Variants in TECTA observed in about 807,000 individuals in gnomAD.
TECTA encodes the protein tectorin alpha, also known as alpha-tectorin.
Under a neutral mutation model 216.8 loss-of-function variants are expected in TECTA, and 128 were observed. The ratio of observed to expected loss-of-function variants is 0.59; its 90% CI spans 0.51 to 0.68. The LOEUF is 0.68. Ranked by LOEUF, TECTA falls within the 30% of genes least tolerant of loss-of-function variation. TECTA has a pLI of 0.00. For missense variants in TECTA, 2,551 were observed against 2,786.2 expected (o/e 0.92, Z 1.90); for synonymous variants, 1,089 against 1,117.1 (o/e 0.97, Z 0.50).
chr11:121,111,509 C>T (rs1946441546), intron 4 of TECTA, among the ~76,000 whole-genome samples: 4 of 152,124 alleles, frequency 2.6e-5, no homozygotes, highest in Admixed American at 2.0e-4. Context: ...AGCTGAGGTG[C>T]GTGCGGGTGG....
At chr11:121,151,042 A>G (rs893251163) in intron 12 of TECTA, among the ~76,000 whole-genome samples, 1 of 152,274 alleles carries the variant, frequency 6.6e-6, no homozygotes, top group African/African-American at 2.4e-5. Flanking sequence ...TAACAAAAAA[A>G]GACATATAAA....
intron 11 of TECTA, among the ~76,000 whole-genome samples, chr11:121,141,605 C>G (rs1487819734): frequency 2.6e-5 from 4 of 152,240 alleles, no homozygotes; most frequent in African/African-American, 9.6e-5. Context: ...CTCTCTCCTG[C>G]CCCCACCCTC....
intron 23 of TECTA, among the ~76,000 whole-genome samples, chr11:121,190,430 A>G (rs1947330161): frequency 6.6e-6 from 1 of 152,062 alleles, no homozygotes; most frequent in South Asian, 2.1e-4. Context: ...ACGCCCAGCT[A>G]ATTTTTGTAT....
At chr11:121,141,536 C>T (rs1467180540) in intron 11 of TECTA, among the ~76,000 whole-genome samples, 2 of 152,192 alleles carry the variant, frequency 1.3e-5, no homozygotes, top group East Asian at 1.9e-4. Flanking sequence ...TGAGCCACTC[C>T]TGGGGGCACC....
intron 7 of TECTA, among the ~76,000 whole-genome samples, chr11:121,119,611 G>T (rs952689154): frequency 3.9e-5 from 6 of 152,362 alleles, no homozygotes; most frequent in African/African-American, 1.4e-4. Context: ...GGGGCTGATT[G>T]CTGCAACCCA....
At chr11:121,154,550 G>A (rs561200002) in intron 13 of TECTA, among the ~76,000 whole-genome samples, 7 of 152,274 alleles carry the variant, frequency 4.6e-5, no homozygotes, top group South Asian at 2.1e-4. Context: ...TCCCCAGCCC[G>A]GAGACTTACC....
chr11:121,116,159 G>A lies in TECTA; in HGVS notation c.791-2147G>A, dbSNP rs75231918. On this transcript the variant is annotated intron_variant, in intron 6 of 23. Transcript: ENST00000392793. ...AAATAAATGTTTTGCAGCTAAGCTG[G>A]TATTAACTGGATAGGAAATAATCTA... Among the ~76,000 whole-genome samples the A allele has an allele frequency of 9.7e-4, 148 of 152,310 alleles. 1 individual carries two copies. Among genetic ancestry groups the A allele is most frequent in the African/African-American group, 3.2e-3 (133 of 41,556 alleles).
At chr11:121,190,673 C>A (rs749714438) in intron 23 of TECTA, 33 bp from the exon 24 acceptor site, 1 of 1,525,526 alleles carries the variant, frequency 6.6e-7, no homozygotes, top group South Asian at 1.1e-5. Flanking sequence ...TTTTTCCCCC[C>A]ATAGGGCTTA....
In TECTA at chr11:121,166,680, G is replaced by GCGTGAGGATCAATGACAGACAGGT; in HGVS notation, c.5508_5509insGTCGTGAGGATCAATGACAGACAG (p.Gln1836_Cys1837insValValArgIleAsnAspArgGln). 1 of 1,614,190 alleles carries GCGTGAGGATCAATGACAGACAGGT rather than the reference G, an allele frequency of 6.2e-7. No homozygotes were observed. The highest frequency in any genetic ancestry group is 8.5e-7 in the Non-Finnish European group (1 of 1,180,050). ...TTCCAGCTCGGTTTTGAGAGGGAGG[G>GCGTGAGGATCAATGACAGACAGGT]CGTGAGGATCAATGACAGACAGTGC... is the stretch of plus-strand genomic sequence containing the variant. On this transcript the variant is annotated inframe_insertion, in exon 18 of 24. Transcript: ENST00000392793.
intron 21 of TECTA, 73 bp downstream of exon 21, chr11:121,188,067 G>A: frequency 6.5e-7 from 1 of 1,543,538 alleles, no homozygotes; most frequent in Non-Finnish European, 8.9e-7. Flanking sequence ...TGAGGATCGT[G>A]AATGCCAGGT....
intron 7 of TECTA, among the ~76,000 whole-genome samples, chr11:121,123,596 A>T (rs1724244583): frequency 6.6e-6 from 1 of 152,240 alleles, no homozygotes. Context: ...CCCTTGCTTA[A>T]AAGCCTTCAA....
At chr11:121,118,791 G>C in intron 7 of TECTA, 73 bp downstream of exon 7, 1 of 1,571,226 alleles carries the variant, frequency 6.4e-7, no homozygotes, top group Non-Finnish European at 8.7e-7. Flanking sequence ...GACTTCCCCA[G>C]ATCTACTGGT....
At position 121,113,578 on chromosome 11, in the gene TECTA, C is replaced by T. The variant is rs762544445; in HGVS notation, c.650C>T (p.Thr217Ile). 21 of 1,613,992 alleles carry T rather than the reference C, an allele frequency of 1.3e-5. 1 individual carries two copies. Among genetic ancestry groups the T allele is most frequent in the Non-Finnish European group, 1.8e-5 (21 of 1,180,030 alleles). Residue 217 changes from threonine to isoleucine, a missense_variant, in exon 6 of 24, where the codon ACC (threonine) becomes ATC (isoleucine). By Grantham distance (89) the Thr-to-Ile change is moderately conservative. Coordinates refer to ENST00000392793, the MANE Select transcript of TECTA (RefSeq NM_005422.4). This position sits in a 1 kb window ranked among gnomAD's most constrained non-coding sequence, Gnocchi z 4.2. ...GCAGGATTTAATGGTGGAAACCTCACCAATTTCTTCAGCCTCCCGGGGTCA... is the reference window on the plus strand; with the variant it reads ...GCAGGATTTAATGGTGGAAACCTCATCAATTTCTTCAGCCTCCCGGGGTCA... Reference protein sequence around the residue: ...AQAGFNGGNLTNFFSLPGSRT... With the variant: ...AQAGFNGGNLINFFSLPGSRT...
chr11:121,111,584 A>G (rs1319558953), intron 4 of TECTA, among the ~76,000 whole-genome samples: 1 of 152,172 alleles, frequency 6.6e-6, no homozygotes, highest in Non-Finnish European at 1.5e-5. Context: ...GGGGTTGGAA[A>G]TGGATTGCTC....
At chr11:121,160,572 A>G in intron 15 of TECTA, 151 bp downstream of exon 15, 1 of 1,105,680 alleles carries the variant, frequency 9.0e-7, no homozygotes, top group Non-Finnish European at 1.3e-6. Context: ...GATGCTAAAA[A>G]TAGGCACATC....
At position 121,166,799 on chromosome 11, in the gene TECTA, AAG is replaced by A. The variant is rs749415162; in HGVS notation, c.5586+22_5586+23del. On this transcript the variant is annotated intron_variant, in intron 18 of 23. Coordinates refer to ENST00000392793, the MANE Select transcript of TECTA (RefSeq NM_005422.4). ...TGTGCAGGTGAGAAAAGCAGCAGGA[AAG>A]AGCACCTGGCAGAGGCAGCGACAGC... 7.4e-6 allele frequency: 12 copies of A among 1,612,714 alleles called. No homozygotes were observed. Among genetic ancestry groups the A allele is most frequent in the Non-Finnish European group, 9.3e-6 (11 of 1,179,936 alleles).
intron 3 of TECTA, among the ~76,000 whole-genome samples, chr11:121,107,431 A>G (rs1946400935): frequency 6.6e-6 from 1 of 152,176 alleles, no homozygotes; most frequent in Non-Finnish European, 1.5e-5. Flanking sequence ...ACTGGAAGAC[A>G]ATAGGCTCTT....
intron 20 of TECTA, among the ~76,000 whole-genome samples, chr11:121,179,630 A>G (rs1374725274): frequency 2.0e-5 from 3 of 151,868 alleles, no homozygotes; most frequent in Non-Finnish European, 2.9e-5. Flanking sequence ...AAATTCCCCA[A>G]TTTTCTTTAC....
Position 121,118,637 on chromosome 11 carries a change from C to A in TECTA, c.1122C>A (p.Ala374=), listed in dbSNP as rs560630226. The change falls in exon 7 of 24, where the codon GCC becomes GCA. Residue 374 remains alanine (A), a synonymous_variant. Coordinates refer to ENST00000392793, the MANE Select transcript of TECTA (RefSeq NM_005422.4). ...EAKNEHRRGS[A]VSWVKELSVE... is the part of the protein sequence containing the mutation. The stretch of plus-strand genomic sequence containing the variant: ...AGAATGAACACCGCAGAGGTTCAGC[C>A]GTCTCCTGGGTGAAGGAGCTCTCAG... 6.2e-7 allele frequency: 1 copy of A among 1,614,126 alleles called. No homozygotes were observed. The highest frequency in any genetic ancestry group is 1.3e-5 in the African/African-American group (1 of 75,040).
Sources: allele counts gnomAD v4.1 joint callset (sites outside exome capture counted in the v4.1 genomes callset), GRCh38; gene constraint gnomAD v4.1.1; non-coding constraint Gnocchi (gnomAD v3.1); transcripts MANE v1.5; gene names NCBI Gene and HGNC (gene_info 2026-07-23, HGNC 2026-07-21).